The following RFK variants were observed in gnomAD, a reference collection of about 807,000 sequenced individuals.
The protein encoded by RFK is riboflavin kinase, also known as 0610038L10Rik.
Under a neutral mutation model 17.6 loss-of-function variants are expected in RFK, and 4 were observed. The ratio of observed to expected loss-of-function variants is 0.23; its 90% confidence interval spans 0.11 to 0.52. The LOEUF is 0.52. Ranked by LOEUF, RFK falls within the 20% of genes least tolerant of loss-of-function variation. The pLI, the probability that RFK is intolerant of heterozygous loss-of-function variation, is 0.96. For synonymous variants in RFK, 59 were observed against 63.8 expected (o/e 0.92, Z 0.36); for missense variants, 189 against 187.7 (o/e 1.01, Z -0.04).
At chr9:76,391,714 T>C (rs373730885) in intron 2 of RFK, among the ~76,000 whole-genome samples, 4 of 152,196 alleles carry the variant, frequency 2.6e-5, no homozygotes, top group East Asian at 3.8e-4. Flanking sequence ...AAAAAATAAA[T>C]GCATAAAAAA....
chr9:76,387,648 T>C lies in RFK; in HGVS notation c.338-119A>G, dbSNP rs1366159451. On this transcript the variant is annotated intron_variant, in intron 3 of 3. Transcript: ENST00000376736. ...TGGCAGTATCTCTGCACAGGGTAGA[T>C]ACCCAATAAATGTTTGTTCCATCAC... 5.6e-6 allele frequency: 5 copies of C among 885,578 alleles called. No individual in the cohort carries two copies. In the East Asian group the frequency reaches 1.3e-4, roughly 23 times the overall value. 54.9% of individuals were successfully genotyped at this position (885,578 alleles called of 1,614,324 possible). A position where few individuals can be genotyped will look rare whatever the true frequency, so the allele number is the denominator to read the frequency against.
At chr9:76,390,861 A>T (rs1255879340) in intron 2 of RFK, among the ~76,000 whole-genome samples, 1 of 151,972 alleles carries the variant, frequency 6.6e-6, no homozygotes, top group Non-Finnish European at 1.5e-5. Context: ...TTAAAGGACA[A>T]AGGTCTGGCA....
chr9:76,391,333 A>T (rs2131554643), intron 2 of RFK, among the ~76,000 whole-genome samples: 1 of 152,374 alleles, frequency 6.6e-6, no homozygotes, highest in East Asian at 1.9e-4. Context: ...AGCTGACAAA[A>T]GATTCAGCCA....
chr9:76,388,201 T>C, intron 3 of RFK: 1 of 471,544 alleles, frequency 2.1e-6, no homozygotes, highest in Non-Finnish European at 4.2e-6. Flanking sequence ...ATGTTTCAAA[T>C]GTTCTCTGAT....
Position 76,388,565 on chromosome 9 carries a change from A to C in RFK, c.326T>G (p.Phe109Cys). 1 of 1,603,050 alleles carries C rather than the reference A, an allele frequency of 6.2e-7. No individual in the cohort carries two copies. The highest frequency in any genetic ancestry group is 8.5e-7 in the Non-Finnish European group (1 of 1,170,818). ...AAATAAGAACTTACCTAAAGAATCAAAGTTCTTTTCTGGTCTCAGGTAGCC... is the reference window on the plus strand; with the variant it reads ...AAATAAGAACTTACCTAAAGAATCACAGTTCTTTTCTGGTCTCAGGTAGCC... ...IVGYLRPEKN[F>C]DSLESLISAI... The change falls in exon 3 of 4, where the codon TTT (phenylalanine) becomes TGT (cysteine). Residue 109 changes from phenylalanine (F) to cysteine (C), a missense_variant. Phe to Cys is a radical substitution (Grantham distance 205, BLOSUM62 -2). This residue lies in a region of RFK where 95 missense variants were observed against 95.7 expected (regional missense o/e 0.99). Coordinates refer to ENST00000376736, the MANE Select transcript of RFK (RefSeq NM_018339.6).
At chr9:76,393,996 G>A (rs562357582) in intron 1 of RFK, 94 bp downstream of exon 1, 1 of 1,206,126 alleles carries the variant, frequency 8.3e-7, no homozygotes, top group South Asian at 1.4e-5. Flanking sequence ...CCGCGGTCCG[G>A]AGGCCCCACG....
At chr9:76,389,470 G>A (rs1300928872) in intron 2 of RFK, among the ~76,000 whole-genome samples, 1 of 152,164 alleles carries the variant, frequency 6.6e-6, no homozygotes, top group South Asian at 2.1e-4. Context: ...ACTAAGATAT[G>A]TAAGACTGGT....
intron 2 of RFK, 40 bp downstream of exon 2, chr9:76,392,378 T>A: frequency 6.2e-7 from 1 of 1,600,628 alleles, no homozygotes; most frequent in Non-Finnish European, 8.6e-7. Flanking sequence ...TTCTAAGTCA[T>A]CATACCATTT....
intron 2 of RFK, among the ~76,000 whole-genome samples, chr9:76,389,435 T>C (rs1313406490): frequency 6.6e-6 from 1 of 152,138 alleles, no homozygotes; most frequent in East Asian, 1.9e-4. Context: ...TTCTTTTCAG[T>C]AAACATTTGA....
chr9:76,385,663 T>C lies in RFK; in HGVS notation c.*1736A>G, dbSNP rs1321683143. 1 of 152,296 alleles carries C rather than the reference T, an allele frequency of 6.6e-6. No individual in the cohort carries two copies. Among genetic ancestry groups the C allele is most frequent in the Non-Finnish European group, 1.5e-5 (1 of 68,012 alleles). The allele number at this position is 152,296 out of a possible 1,614,324, so 9.4% of individuals were successfully genotyped here. A position where few individuals can be genotyped will look rare whatever the true frequency, so the allele number is the denominator to read the frequency against. On this transcript the variant is annotated 3_prime_UTR_variant, in exon 4 of 4. Coordinates refer to ENST00000376736, the MANE Select transcript of RFK (RefSeq NM_018339.6). Reference sequence around the variant, plus strand: ...CAATTAACCCCTAAACAACACACTATCTGATTCTCAAAAGCAATGGCTATT... The same window carrying C: ...CAATTAACCCCTAAACAACACACTACCTGATTCTCAAAAGCAATGGCTATT...
At chr9:76,390,973 C>T (rs543535902) in intron 2 of RFK, among the ~76,000 whole-genome samples, 1 of 152,082 alleles carries the variant, frequency 6.6e-6, no homozygotes, top group Non-Finnish European at 1.5e-5. Flanking sequence ...TCCTAACACT[C>T]AAAAGGCATT....
chr9:76,394,293 G>C lies in RFK; in HGVS notation c.-122C>G. On this transcript the variant is annotated 5_prime_UTR_variant, in exon 1 of 4. Transcript: ENST00000376736. ...AGGAGCGTGAGCTCTGCCTGCCGCG[G>C]GGGCGCACCAGTGGCCGGACGACGC... 1.1e-6 allele frequency: 1 copy of C among 934,122 alleles called. No individual in the cohort carries two copies. The highest frequency in any genetic ancestry group is 1.5e-6 in the Non-Finnish European group (1 of 656,166). 57.9% of individuals were successfully genotyped at this position (934,122 alleles called of 1,614,324 possible).
intron 3 of RFK, 60 bp downstream of exon 3, chr9:76,388,494 G>T: frequency 1.0e-6 from 1 of 974,864 alleles, no homozygotes; most frequent in Non-Finnish European, 1.6e-6. Flanking sequence ...ACTGGTAGTA[G>T]TGGTAGAGTT....
At chr9:76,393,300 G>A (rs1168750248) in intron 1 of RFK, among the ~76,000 whole-genome samples, 1 of 151,652 alleles carries the variant, frequency 6.6e-6, no homozygotes, top group Non-Finnish European at 1.5e-5. Flanking sequence ...TCCGTCTCCT[G>A]GGTTCAAGCG....
At position 76,387,536 on chromosome 9, in the gene RFK, A is replaced by T; in HGVS notation, c.338-7T>A. The T allele has an allele frequency of 1.9e-6, 3 of 1,607,676 alleles. No individual in the cohort carries two copies. Among genetic ancestry groups the T allele is most frequent in the Non-Finnish European group, 2.5e-6 (3 of 1,178,758 alleles). On this transcript the variant is annotated splice_region_variant and splice_polypyrimidine_tract_variant and intron_variant, in intron 3 of 3. Transcript: ENST00000376736. ...ATTGCTGAAATAAGTGACTCTGCAG[A>T]GAGAATATACCAGGTAAAAATGATG... is the stretch of plus-strand genomic sequence containing the variant.
chr9:76,389,977 A>C (rs1014545598), intron 2 of RFK, among the ~76,000 whole-genome samples: 1 of 152,146 alleles, frequency 6.6e-6, no homozygotes, highest in African/African-American at 2.4e-5. Flanking sequence ...ATTCATGAAA[A>C]TCTTGAGAAC....
chr9:76,392,448 G>A lies in RFK; in HGVS notation c.204C>T (p.Asn68=), dbSNP rs1822830676. The A allele has an allele frequency of 1.2e-6, 2 of 1,614,112 alleles. No individual in the cohort carries two copies. ...ACTTCTTCGTATTCTTGTAATATGG[G>A]TTCCATCCTATGCTCACCACCATCT... The part of the protein sequence containing the change: ...VHKMVVSIGW[N]PYYKNTKKSM... Residue 68 remains asparagine, a synonymous_variant, in exon 2 of 4, where the codon AAC becomes AAT. Coordinates refer to ENST00000376736, the MANE Select transcript of RFK (RefSeq NM_018339.6).
chr9:76,388,213 T>C, intron 3 of RFK: 1 of 479,424 alleles, frequency 2.1e-6, no homozygotes, highest in South Asian at 1.5e-5. Context: ...TTCTCTGATT[T>C]ACTATATCTC....
Position 76,387,317 on chromosome 9 carries a change from G to A in RFK, c.*82C>T. On this transcript the variant is annotated 3_prime_UTR_variant, in exon 4 of 4. Coordinates refer to ENST00000376736, the MANE Select transcript of RFK (RefSeq NM_018339.6). Reference sequence around the variant, plus strand: ...ACTGTAGTAAAGTGTTTGATTTTCAGTATATAACCAAGATGATGCTGAACA... The same window carrying A: ...ACTGTAGTAAAGTGTTTGATTTTCAATATATAACCAAGATGATGCTGAACA... 7.7e-7 allele frequency: 1 copy of A among 1,303,632 alleles called. No individual in the cohort carries two copies. Among genetic ancestry groups the A allele is most frequent in the East Asian group, 2.3e-5 (1 of 43,230 alleles). The allele number at this position is 1,303,632 out of a possible 1,614,324, so 80.8% of individuals were successfully genotyped here.
Sources: allele counts gnomAD v4.1 joint callset (sites outside exome capture counted in the v4.1 genomes callset), GRCh38; gene constraint gnomAD v4.1.1; regional missense constraint gnomAD v4.1.1; transcripts MANE v1.5; gene names NCBI Gene and HGNC (gene_info 2026-07-23, HGNC 2026-07-21).